The following FGD4 variants were observed in gnomAD, a reference collection of about 807,000 sequenced individuals.
The protein encoded by FGD4 is FYVE, RhoGEF and PH domain-containing protein 4.
A neutral mutation model predicts 102.0 loss-of-function variants in FGD4; 42 were observed. The ratio of observed to expected loss-of-function variants is 0.41; its 90% confidence interval spans 0.32 to 0.53. FGD4 has a LOEUF of 0.53. FGD4 is among the 20% of genes least tolerant of loss of function. The probability of loss-of-function intolerance (pLI) is 0.21; values close to 1 mark genes in which losing one functional copy is unlikely to be tolerated. For missense variants in FGD4, 902 were observed against 1,078.2 expected (o/e 0.84, Z 2.29); for synonymous variants, 380 against 375.7 (o/e 1.01, Z -0.13).
chr12:32,603,406 A>T (rs1222990988), intron 7 of FGD4, among the ~76,000 whole-genome samples: 1 of 149,974 alleles, frequency 6.7e-6, no homozygotes, highest in East Asian at 1.9e-4. Flanking sequence ...TTTTTTGGAG[A>T]CGGAGTCTCG....
At chr12:32,407,047 G>A (rs879711960) in intron 1 of FGD4, among the ~76,000 whole-genome samples, 35 of 147,284 alleles carry the variant, frequency 2.4e-4, no homozygotes, top group Non-Finnish European at 3.7e-4. Flanking sequence ...TCCTGACCTC[G>A]TGATCCACCC....
chr12:32,566,464 G>A (rs534580212), intron 2 of FGD4, among the ~76,000 whole-genome samples: 126 of 152,212 alleles, frequency 8.3e-4, no homozygotes, highest in African/African-American at 3.0e-3. Flanking sequence ...CATCAGCTCA[G>A]TTTTTTCTGC....
chr12:32,607,190 C>T (rs895152568), intron 7 of FGD4, among the ~76,000 whole-genome samples: 2 of 152,142 alleles, frequency 1.3e-5, no homozygotes, highest in South Asian at 2.1e-4. Flanking sequence ...GCTTAAAATT[C>T]TGCTTGATTT....
intron 2 of FGD4, among the ~76,000 whole-genome samples, chr12:32,573,748 G>A (rs558883366): frequency 1.3e-5 from 2 of 152,150 alleles, no homozygotes; most frequent in East Asian, 3.9e-4. Context: ...TACCTCCTCT[G>A]TGCTTCTAAA....
chr12:32,485,302 A>G (rs1943863199), intron 1 of FGD4, among the ~76,000 whole-genome samples: 1 of 152,210 alleles, frequency 6.6e-6, no homozygotes, highest in Non-Finnish European at 1.5e-5. Flanking sequence ...ATTCCTGGAA[A>G]AAAATGGAAG....
At chr12:32,530,941 G>GT (rs768536136) in intron 1 of FGD4, among the ~76,000 whole-genome samples, 3,433 of 70,510 alleles carry the variant, frequency 0.049, 533 homozygotes, top group Non-Finnish European at 0.061. Context: ...CCTAGCTTTG[G>GT]TTTTTTTTTT....
In FGD4 at chr12:32,611,201, C is replaced by A. The variant is rs773514635; in HGVS notation, c.1667C>A (p.Pro556His). 1 of 1,614,150 alleles carries A rather than the reference C, an allele frequency of 6.2e-7. No homozygotes were observed. The highest frequency in any genetic ancestry group is 1.1e-5 in the South Asian group (1 of 91,086). ...GGAGAAGAAGAAGACATTGTAAACC[C>A]TTCAAATGAACTAATAAAAGAAGGA... ...MLGEEEDIVN[P>H]SNELIKEGQI... Residue 556 changes from proline (P) to histidine (H), a missense_variant, in exon 10 of 17, where the codon CCT becomes CAT. By Grantham distance (77) the Pro-to-His change is moderately conservative (BLOSUM62 -2). This residue lies in a region of FGD4 where 459 missense variants were observed against 619.0 expected (regional missense o/e 0.74). Transcript: ENST00000534526.
At position 32,551,261 on chromosome 12, in the gene FGD4, G is replaced by C. The variant is rs183874218; in HGVS notation, c.167-12876G>C. Among the ~76,000 whole-genome samples, 596 of 152,292 alleles carry C rather than the reference G, an allele frequency of 3.9e-3. 7 individuals carry two copies. The highest frequency in any genetic ancestry group is 0.014 in the African/African-American group (567 of 41,552). On this transcript the variant is annotated intron_variant, in intron 1 of 16. Transcript: ENST00000534526. ...GAGACAGCAAGTAAGAGGCTTAGGAGGCTGGAGGAGCAGAGACTAAGGAAC... is the reference window on the plus strand; with the variant it reads ...GAGACAGCAAGTAAGAGGCTTAGGACGCTGGAGGAGCAGAGACTAAGGAAC...
At position 32,611,268 on chromosome 12, in the gene FGD4, A is replaced by G. The variant is rs1949117536; in HGVS notation, c.1734A>G (p.Glu578=). The change falls in exon 10 of 17, where the codon GAA becomes GAG. Residue 578 remains glutamate, a synonymous_variant. Coordinates refer to ENST00000534526, the MANE Select transcript of FGD4 (RefSeq NM_001370298.3). The stretch of plus-strand genomic sequence containing the variant: ...CTGCTCGGAACACTTCAGCACAAGA[A>G]CGCTACCTTTTCTTAGTGAGTATTA... ...KLAARNTSAQ[E]RYLFLFNNML... The G allele has an allele frequency of 6.2e-7, 1 of 1,614,230 alleles. No homozygotes were observed. The highest frequency in any genetic ancestry group is 8.5e-7 in the Non-Finnish European group (1 of 1,180,040).
At chr12:32,557,083 C>A (rs1381879840) in intron 1 of FGD4, 5 of 152,038 alleles carry the variant, frequency 3.3e-5, no homozygotes, top group Non-Finnish European at 7.4e-5. Context: ...GAACTCCTGA[C>A]CTCAGGTGAT....
rs1391558279 is a variant in FGD4, at chr12:32,644,434, T to G, written c.*3901T>G. 6.6e-6 allele frequency: 1 copy of G among 151,550 alleles called. No homozygotes were observed. Among genetic ancestry groups the G allele is most frequent in the Non-Finnish European group, 1.5e-5 (1 of 67,688 alleles). 9.4% of individuals were successfully genotyped at this position (151,550 alleles called of 1,614,324 possible). The stretch of plus-strand genomic sequence containing the variant: ...TATATATGTAAAAACACTGTTGATT[T>G]GCAATTCTGTCTTTCCATAGAAATG... On this transcript the variant is annotated 3_prime_UTR_variant, in exon 17 of 17. Coordinates refer to ENST00000534526, the MANE Select transcript of FGD4 (RefSeq NM_001370298.3).
chr12:32,467,992 G>A (rs1565757689), intron 1 of FGD4, among the ~76,000 whole-genome samples: 1 of 152,016 alleles, frequency 6.6e-6, no homozygotes, highest in Middle Eastern at 3.4e-3. Context: ...CTCCAGGCTG[G>A]GCAACAGAGC....
chr12:32,499,500 C>T (rs1938030444), intron 1 of FGD4, among the ~76,000 whole-genome samples: 1 of 152,062 alleles, frequency 6.6e-6, no homozygotes, highest in South Asian at 2.1e-4. Context: ...AAACTGTGAG[C>T]CAATTCTTTT....
At chr12:32,489,084 C>T (rs1944008251) in intron 1 of FGD4, among the ~76,000 whole-genome samples, 1 of 152,076 alleles carries the variant, frequency 6.6e-6, no homozygotes, top group African/African-American at 2.4e-5. Flanking sequence ...CCTGTATTTG[C>T]CTTCGTTTTC....
intron 5 of FGD4, among the ~76,000 whole-genome samples, chr12:32,599,668 C>T (rs577125156): frequency 6.8e-6 from 1 of 146,524 alleles, no homozygotes; most frequent in African/African-American, 2.5e-5. Flanking sequence ...CTGCCTCAGC[C>T]TCCCGAGTAG....
chr12:32,636,389 C>G (rs747099478), intron 15 of FGD4, among the ~76,000 whole-genome samples: 1 of 151,956 alleles, frequency 6.6e-6, no homozygotes, highest in Non-Finnish European at 1.5e-5. Context: ...AAAAATTAGC[C>G]GGGCCTGGTG....
At chr12:32,613,563 G>A (rs1459072433) in intron 10 of FGD4, among the ~76,000 whole-genome samples, 1 of 151,948 alleles carries the variant, frequency 6.6e-6, no homozygotes, top group African/African-American at 2.4e-5. Flanking sequence ...GACCAACCTG[G>A]GTAACATACA....
At chr12:32,556,554 GT>G (rs1371572548) in intron 1 of FGD4, among the ~76,000 whole-genome samples, 3 of 152,082 alleles carry the variant, frequency 2.0e-5, no homozygotes, top group Non-Finnish European at 4.4e-5. Context: ...CATCCATGCT[GT>G]AGCATATGAT....
At chr12:32,474,004 C>T (rs752108677) in intron 1 of FGD4, among the ~76,000 whole-genome samples, 1 of 151,798 alleles carries the variant, frequency 6.6e-6, no homozygotes, top group Non-Finnish European at 1.5e-5. Context: ...AGGAGAACGG[C>T]GTGAACCCAG....
Sources: allele counts gnomAD v4.1 joint callset (sites outside exome capture counted in the v4.1 genomes callset), GRCh38; gene constraint gnomAD v4.1.1; regional missense constraint gnomAD v4.1.1; transcripts MANE v1.5; gene names NCBI Gene and HGNC (gene_info 2026-07-23, HGNC 2026-07-21).